KLHDC10: variants seen among roughly 807,000 people sequenced by gnomAD.
KLHDC10 encodes the protein kelch domain-containing protein 10.
KLHDC10 carries 24 observed loss-of-function variants against 56.1 expected under a neutral mutation model. The observed-to-expected ratio is 0.43, with a 90% CI of 0.31 to 0.60. The LOEUF (loss-of-function observed/expected upper bound fraction) is 0.60. Ranked by LOEUF, KLHDC10 falls within the 20% of genes least tolerant of loss-of-function variation. The pLI is 0.11. For synonymous variants in KLHDC10, 188 were observed against 207.1 expected (o/e 0.91, Z 0.79); for missense variants, 349 against 567.0 (o/e 0.62, Z 3.91).
At chr7:130,111,220 TA>T (rs1796095943) in intron 2 of KLHDC10, among the ~76,000 whole-genome samples, 1 of 152,100 alleles carries the variant, frequency 6.6e-6, no homozygotes, top group Non-Finnish European at 1.5e-5. Flanking sequence ...ATTCTGAATA[TA>T]AAAAATCAAA....
intron 1 of KLHDC10, among the ~76,000 whole-genome samples, chr7:130,072,465 T>G (rs1436053472): frequency 2.0e-5 from 3 of 152,226 alleles, no homozygotes; most frequent in Non-Finnish European, 4.4e-5. Context: ...CTGTGAAAAT[T>G]TGTAAAGCGG....
intron 2 of KLHDC10, among the ~76,000 whole-genome samples, chr7:130,111,393 A>C (rs1007703205): frequency 1.3e-5 from 2 of 152,140 alleles, no homozygotes; most frequent in African/African-American, 4.8e-5. Flanking sequence ...AGCAGGCTGG[A>C]AGAAATACAT....
intron 2 of KLHDC10, among the ~76,000 whole-genome samples, chr7:130,113,058 A>T (rs1796122283): frequency 1.3e-5 from 2 of 152,238 alleles, no homozygotes; most frequent in African/African-American, 4.8e-5. Context: ...TCATTTCAAC[A>T]TACAATCAAT....
intron 2 of KLHDC10, among the ~76,000 whole-genome samples, chr7:130,111,402 A>G (rs1192666875): frequency 4.6e-5 from 7 of 152,148 alleles, no homozygotes; most frequent in Admixed American, 4.6e-4. Flanking sequence ...GAAGAAATAC[A>G]TATAAAATAA....
chr7:130,112,522 G>C (rs1427781808), intron 2 of KLHDC10, among the ~76,000 whole-genome samples: 1 of 152,172 alleles, frequency 6.6e-6, no homozygotes, highest in Non-Finnish European at 1.5e-5. Context: ...AGGAAAATGG[G>C]ATTTGCAGAT....
intron 2 of KLHDC10, among the ~76,000 whole-genome samples, chr7:130,104,514 G>A (rs1795982181): frequency 6.6e-6 from 1 of 152,194 alleles, no homozygotes; most frequent in Non-Finnish European, 1.5e-5. Context: ...ACAGTTCAAT[G>A]AGAGAATGTA....
intron 2 of KLHDC10, among the ~76,000 whole-genome samples, chr7:130,101,826 C>T (rs548040647): frequency 6.6e-6 from 1 of 151,948 alleles, no homozygotes; most frequent in African/African-American, 2.4e-5. Flanking sequence ...AAAAATTAGC[C>T]GGGCGTGGTA....
intron 1 of KLHDC10, among the ~76,000 whole-genome samples, chr7:130,072,876 C>T (rs1013783185): frequency 6.6e-6 from 1 of 151,978 alleles, no homozygotes; most frequent in African/African-American, 2.4e-5. Context: ...CTGCCTCAGC[C>T]TCCTGAGTAG....
intron 1 of KLHDC10, among the ~76,000 whole-genome samples, chr7:130,088,575 C>T (rs866479188): frequency 2.6e-5 from 4 of 151,308 alleles, no homozygotes; most frequent in South Asian, 4.2e-4. Flanking sequence ...CAGTCCCGGC[C>T]GTGTCTTCAC....
At chr7:130,092,287 T>C (rs1795785710) in intron 1 of KLHDC10, among the ~76,000 whole-genome samples, 1 of 152,260 alleles carries the variant, frequency 6.6e-6, no homozygotes, top group African/African-American at 2.4e-5. Context: ...AGGATTAGCT[T>C]GTTCATTTTG....
At chr7:130,126,068 TATA>T (rs1208558071) in intron 7 of KLHDC10, 137 bp downstream of exon 7, 2 of 662,064 alleles carry the variant, frequency 3.0e-6, no homozygotes, top group Admixed American at 3.4e-5. Context: ...GTCTCACGCC[TATA>T]ATCTCAGCAC....
At chr7:130,128,886 AAAAATATATATAT>A (rs1392050226) in intron 8 of KLHDC10, among the ~76,000 whole-genome samples, 1 of 99,062 alleles carries the variant, frequency 1.0e-5, no homozygotes, top group African/African-American at 4.2e-5. Context: ...AAAAAAAAAA[AAAAATATATATAT>A]ATATATATAT....
chr7:130,082,332 C>T (rs537898359), intron 1 of KLHDC10, among the ~76,000 whole-genome samples: 6 of 152,054 alleles, frequency 3.9e-5, no homozygotes, highest in South Asian at 2.1e-4. Flanking sequence ...TCAAAAAAAC[C>T]CCCAAAATTG....
At chr7:130,106,607 A>G (rs867064303) in intron 2 of KLHDC10, among the ~76,000 whole-genome samples, 26 of 152,224 alleles carry the variant, frequency 1.7e-4, no homozygotes, top group African/African-American at 6.3e-4. Flanking sequence ...AAAATTTGAT[A>G]TTTAATGTGT....
intron 2 of KLHDC10, among the ~76,000 whole-genome samples, chr7:130,102,842 C>T (rs747832679): frequency 2.6e-5 from 4 of 151,556 alleles, no homozygotes; most frequent in Non-Finnish European, 5.9e-5. Flanking sequence ...CAAAACAAAA[C>T]AAAACAAAAA....
rs1319039342 is a variant in KLHDC10 at position 130,130,343 on chromosome 7, T to C, written c.1120-194T>C. Among the ~76,000 whole-genome samples the C allele has an allele frequency of 1.3e-5, 2 of 148,744 alleles. No homozygotes were observed. Among genetic ancestry groups the C allele is most frequent in the Non-Finnish European group, 3.0e-5 (2 of 67,228 alleles). ...TCTCAAAAAAAAAAAAAATCATATA[T>C]ATATATATATAGTTTTTCCCTTAGT... On this transcript the variant is annotated intron_variant, in intron 9 of 9. Coordinates refer to ENST00000335420, the MANE Select transcript of KLHDC10 (RefSeq NM_014997.4). The surrounding 1 kb of genome is among the most constrained non-coding windows in gnomAD (Gnocchi z 4.2).
intron 2 of KLHDC10, among the ~76,000 whole-genome samples, chr7:130,110,877 A>G (rs1796091374): frequency 6.6e-6 from 1 of 152,164 alleles, no homozygotes. Context: ...TAAGCAGTAA[A>G]TGTTATGTAC....
At chr7:130,097,261 T>C (rs1214533513) in intron 2 of KLHDC10, among the ~76,000 whole-genome samples, 1 of 152,186 alleles carries the variant, frequency 6.6e-6, no homozygotes, top group Non-Finnish European at 1.5e-5. Context: ...CTCACTGATA[T>C]AAATGGTATT....
At position 130,116,366 on chromosome 7, in the gene KLHDC10, TA is replaced by T; in HGVS notation, c.254-75del. On this transcript the variant is annotated intron_variant, in intron 2 of 9. Transcript: ENST00000335420. The surrounding 1 kb of genome is among the most constrained non-coding windows in gnomAD (Gnocchi z 4.8). ...ATCCTTCCTGGTCCCCTTTTATGGCTAAAATGGTTGTTACCTAATTTTGTTT... is the reference window on the plus strand; with the variant it reads ...ATCCTTCCTGGTCCCCTTTTATGGCTAAATGGTTGTTACCTAATTTTGTTT... 1.9e-6 allele frequency: 2 copies of T among 1,067,812 alleles called. No individual in the cohort carries two copies. Among genetic ancestry groups the T allele is most frequent in the Non-Finnish European group, 2.8e-6 (2 of 712,344 alleles). 66.1% of individuals were successfully genotyped at this position (1,067,812 alleles called of 1,614,324 possible).
Sources: gnomAD v4.1 joint callset for allele counts (sites outside exome capture counted in the v4.1 genomes callset) on GRCh38, gnomAD v4.1.1 for gene constraint, Gnocchi (gnomAD v3.1) non-coding constraint, MANE v1.5 for transcripts, NCBI Gene and HGNC (gene_info 2026-07-23, HGNC 2026-07-21) for gene names.